GPC6: variants seen among roughly 807,000 people sequenced by gnomAD.
The protein encoded by GPC6 is glypican-6.
A neutral mutation model predicts 55.2 loss-of-function variants in GPC6; 14 were observed. That is an observed-to-expected ratio of 0.25 (90% confidence interval 0.17 to 0.40). The LOEUF (loss-of-function observed/expected upper bound fraction) is 0.40, where lower values mean the gene tolerates loss of function less well. Among genes scored for constraint, GPC6 ranks in the 10% least tolerant of loss-of-function variants. GPC6 has a pLI of 1.00. For synonymous variants in GPC6, 278 were observed against 259.6 expected (o/e 1.07, Z -0.68); for missense variants, 641 against 708.5 (o/e 0.90, Z 1.08).
chr13:94,354,048 A>C (rs1049026480), intron 6 of GPC6, among the ~76,000 whole-genome samples: 3 of 152,248 alleles, frequency 2.0e-5, no homozygotes, highest in South Asian at 2.1e-4. Flanking sequence ...CCATGGCTAC[A>C]TGTGCTTGAT....
At chr13:93,545,468 T>A in intron 2 of GPC6, 47 bp downstream of exon 2, 1 of 1,467,300 alleles carries the variant, frequency 6.8e-7, no homozygotes, top group Non-Finnish European at 9.6e-7. Flanking sequence ...TGCACTTTTC[T>A]ATGAGAATCT....
intron 1 of GPC6, among the ~76,000 whole-genome samples, chr13:93,248,398 T>C (rs917294706): frequency 2.0e-5 from 3 of 148,856 alleles, no homozygotes; most frequent in Admixed American, 1.3e-4. Context: ...AAAAAAAAAG[T>C]CTAAAAATGT....
At chr13:94,351,210 A>C (rs750561530) in intron 6 of GPC6, among the ~76,000 whole-genome samples, 6 of 152,124 alleles carry the variant, frequency 3.9e-5, no homozygotes, top group Non-Finnish European at 8.8e-5. Context: ...CCTCGTAAAA[A>C]TAAAAAGTCA....
chr13:93,550,683 T>C (rs1594258645), intron 2 of GPC6, among the ~76,000 whole-genome samples: 1 of 152,154 alleles, frequency 6.6e-6, no homozygotes, highest in African/African-American at 2.4e-5. Context: ...TTTTAATATA[T>C]GGCCTAATTT....
At chr13:94,015,271 C>T (rs949750732) in intron 3 of GPC6, among the ~76,000 whole-genome samples, 6 of 152,126 alleles carry the variant, frequency 3.9e-5, no homozygotes, top group Non-Finnish European at 8.8e-5. Context: ...TTGCATTTCC[C>T]TAATAATTAA....
chr13:93,455,339 T>C (rs1878411218), intron 1 of GPC6, among the ~76,000 whole-genome samples: 1 of 152,158 alleles, frequency 6.6e-6, no homozygotes, highest in South Asian at 2.1e-4. Context: ...GCCAGCACGC[T>C]GTCACCTCTC....
intron 2 of GPC6, among the ~76,000 whole-genome samples, chr13:93,819,692 A>T (rs1886978022): frequency 6.6e-6 from 1 of 152,338 alleles, no homozygotes; most frequent in Non-Finnish European, 1.5e-5. Flanking sequence ...AATGCAGTCC[A>T]TAGGCTCAAA....
At chr13:93,909,956 G>A (rs1261833504) in intron 3 of GPC6, among the ~76,000 whole-genome samples, 2 of 151,974 alleles carry the variant, frequency 1.3e-5, no homozygotes, top group African/African-American at 4.8e-5. Flanking sequence ...ACCCACCCCA[G>A]GGCCAGGGTA....
chr13:93,834,291 A>C (rs1887650484), intron 3 of GPC6, among the ~76,000 whole-genome samples: 1 of 152,226 alleles, frequency 6.6e-6, no homozygotes, highest in Non-Finnish European at 1.5e-5. Context: ...CAGAGCATAG[A>C]AAGTGCTCAT....
intron 7 of GPC6, among the ~76,000 whole-genome samples, chr13:94,383,053 C>A (rs955243825): frequency 6.6e-6 from 1 of 152,110 alleles, no homozygotes; most frequent in Admixed American, 6.6e-5. Flanking sequence ...AGGCAACACA[C>A]TTTGGGAAGT....
At chr13:93,986,148 ATTCT>A (rs1881020852) in intron 3 of GPC6, among the ~76,000 whole-genome samples, 1 of 152,202 alleles carries the variant, frequency 6.6e-6, no homozygotes, top group Non-Finnish European at 1.5e-5. Context: ...GAGCCATAAT[ATTCT>A]TTCTGTCTTT....
intron 2 of GPC6, among the ~76,000 whole-genome samples, chr13:93,569,707 GAAGAA>G (rs1876305196): frequency 6.6e-6 from 1 of 151,806 alleles, no homozygotes; most frequent in Admixed American, 6.6e-5. Context: ...TTAACATCAA[GAAGAA>G]AAGAGAAAAA....
At chr13:93,350,899 C>T (rs1425384641) in intron 1 of GPC6, among the ~76,000 whole-genome samples, 1 of 151,858 alleles carries the variant, frequency 6.6e-6, no homozygotes, top group African/African-American at 2.4e-5. Context: ...CTTTTTTTAA[C>T]TTTTCAGATG....
intron 4 of GPC6, among the ~76,000 whole-genome samples, chr13:94,228,639 A>C (rs1890627868): frequency 6.6e-6 from 1 of 152,184 alleles, no homozygotes; most frequent in South Asian, 2.1e-4. Flanking sequence ...AGAGTAAAAC[A>C]TCCTGGAAAA....
intron 4 of GPC6, among the ~76,000 whole-genome samples, chr13:94,033,195 A>G (rs1430075492): frequency 1.3e-5 from 2 of 152,228 alleles, no homozygotes; most frequent in East Asian, 3.9e-4. Context: ...TAATTTAAAA[A>G]TCACATATCC....
intron 4 of GPC6, among the ~76,000 whole-genome samples, chr13:94,276,132 C>T (rs1317402079): frequency 6.6e-6 from 1 of 152,178 alleles, no homozygotes; most frequent in Non-Finnish European, 1.5e-5. Flanking sequence ...CAAGGGTATT[C>T]ACTGCAGCAT....
chr13:94,400,001 T>C (rs57222265), intron 8 of GPC6, among the ~76,000 whole-genome samples: 2,960 of 152,318 alleles, frequency 0.019, 112 homozygotes, highest in African/African-American at 0.068. Flanking sequence ...AATTAGTTGG[T>C]TTGGCTTTGT....
At chr13:93,231,380 C>CATATATATATATATATATATAT (rs1204996148) in intron 1 of GPC6, among the ~76,000 whole-genome samples, 3 of 30,930 alleles carry the variant, frequency 9.7e-5, no homozygotes, top group Non-Finnish European at 1.8e-4. Flanking sequence ...TATATATATA[C>CATATATATATATATATATATAT]ATATATATAT....
At chr13:94,191,711 C>T (rs1002821547) in intron 4 of GPC6, among the ~76,000 whole-genome samples, 2 of 152,154 alleles carry the variant, frequency 1.3e-5, no homozygotes, top group African/African-American at 4.8e-5. Flanking sequence ...CAGCCCCAGC[C>T]TTTCCTGTCT....
Sources: gnomAD v4.1 joint callset for allele counts (sites outside exome capture counted in the v4.1 genomes callset) on GRCh38, gnomAD v4.1.1 for gene constraint, MANE v1.5 for transcripts, NCBI Gene and HGNC (gene_info 2026-07-23, HGNC 2026-07-21) for gene names.